ARFGEF1: variants seen among roughly 807,000 people sequenced by gnomAD.
ARFGEF1 encodes ARF guanine nucleotide exchange factor 1.
ARFGEF1 carries 42 observed loss-of-function variants against 231.0 expected under a neutral mutation model. The ratio of observed to expected loss-of-function variants is 0.18; its 90% confidence interval spans 0.14 to 0.24. The LOEUF (loss-of-function observed/expected upper bound fraction) is 0.24. ARFGEF1 is among the 10% of genes least tolerant of loss of function. ARFGEF1 has a pLI of 1.00. For missense variants in ARFGEF1, 1,345 were observed against 2,192.0 expected (o/e 0.61, Z 7.72); for synonymous variants, 710 against 732.3 (o/e 0.97, Z 0.49).
intron 1 of ARFGEF1, among the ~76,000 whole-genome samples, chr8:67,339,290 C>T (rs1808488581): frequency 6.6e-6 from 1 of 152,158 alleles, no homozygotes; most frequent in African/African-American, 2.4e-5. Flanking sequence ...CCTCCCTTCC[C>T]TTTAAAACCT....
chr8:67,256,563 G>C (rs1378933710), intron 17 of ARFGEF1, among the ~76,000 whole-genome samples: 1 of 152,064 alleles, frequency 6.6e-6, no homozygotes, highest in African/African-American at 2.4e-5. Flanking sequence ...TCTCAGATTA[G>C]AAAGTAGGTA....
chr8:67,175,073 T>TA (rs1178108770), downstream of ARFGEF1: 38 of 476,584 alleles, frequency 8.0e-5, 1 homozygote, highest in Middle Eastern at 2.9e-3. Context: ...GGGTATTCCT[T>TA]ATGTTGGTAA....
chr8:67,193,742 AC>A (rs1837081872), downstream of ARFGEF1: 8 of 609,366 alleles, frequency 1.3e-5, no homozygotes, highest in Non-Finnish European at 2.1e-5. Flanking sequence ...AGACATAGTA[AC>A]TATTGAGCAA....
rs979586369 is a variant in ARFGEF1 at position 67,257,835 on chromosome 8, C to T, written c.2442-19G>A. On this transcript the variant is annotated intron_variant, in intron 16 of 38. Transcript: ENST00000262215. The stretch of plus-strand genomic sequence containing the variant: ...AGTTTGTCTGGAAAAATAAATGTAT[C>T]ATGTTATAAACTTCTACTGTTTTAT... The T allele has an allele frequency of 1.3e-6, 2 of 1,578,464 alleles. No individual in the cohort carries two copies. Among genetic ancestry groups the T allele is most frequent in the South Asian group, 1.2e-5 (1 of 86,654 alleles).
intron 5 of ARFGEF1, among the ~76,000 whole-genome samples, chr8:67,292,986 T>C (rs1250729786): frequency 1.3e-5 from 2 of 152,156 alleles, no homozygotes; most frequent in Non-Finnish European, 2.9e-5. Flanking sequence ...TAAAGGATTT[T>C]AATAATAAAG....
At chr8:67,329,958 A>G (rs1808023304) in intron 1 of ARFGEF1, among the ~76,000 whole-genome samples, 1 of 152,080 alleles carries the variant, frequency 6.6e-6, no homozygotes, top group Admixed American at 6.5e-5. Context: ...TAAAAATAAA[A>G]AAAAACAAAG....
Position 67,288,950 on chromosome 8 carries a change from C to CA in ARFGEF1, c.917-886dup, listed in dbSNP as rs529055608. 3.3e-3 allele frequency among the ~76,000 whole-genome samples: 485 copies of CA among 145,018 alleles called. 2 individuals carry two copies. The highest frequency in any genetic ancestry group is 8.5e-3 in the African/African-American group (323 of 37,836). On this transcript the variant is annotated intron_variant, in intron 6 of 38. Coordinates refer to ENST00000262215, the MANE Select transcript of ARFGEF1 (RefSeq NM_006421.5). ...TCATTGTCCAATTTAATGTAAAAAA[C>CA]AAAAAAAACAAAAAAAAAACAAAAT...
At chr8:67,334,136 C>CAAAAAAA (rs368714166) in intron 1 of ARFGEF1, among the ~76,000 whole-genome samples, 5 of 43,696 alleles carry the variant, frequency 1.1e-4, no homozygotes, top group African/African-American at 2.3e-4. Flanking sequence ...AACTCCGTCT[C>CAAAAAAA]AAAAAAAAAA....
chr8:67,316,871 C>T (rs1173808445), intron 1 of ARFGEF1, among the ~76,000 whole-genome samples: 1 of 152,102 alleles, frequency 6.6e-6, no homozygotes, highest in Non-Finnish European at 1.5e-5. Context: ...CATGATGAAC[C>T]CCTTGGACAG....
chr8:67,237,947 T>C (rs1042272340), intron 22 of ARFGEF1, among the ~76,000 whole-genome samples: 4 of 152,182 alleles, frequency 2.6e-5, no homozygotes, highest in African/African-American at 9.6e-5. Context: ...TGGGGAGCCA[T>C]GGGGAGAGGT....
chr8:67,226,885 T>C (rs1336986027), intron 27 of ARFGEF1, among the ~76,000 whole-genome samples: 1 of 152,118 alleles, frequency 6.6e-6, no homozygotes, highest in East Asian at 1.9e-4. Context: ...AAAAAAGGGA[T>C]GGACAATAAT....
At chr8:67,288,969 A>C (rs1031713657) in intron 6 of ARFGEF1, among the ~76,000 whole-genome samples, 21 of 152,240 alleles carry the variant, frequency 1.4e-4, no homozygotes, top group South Asian at 6.2e-4. Flanking sequence ...CAAAAAAAAA[A>C]CAAAATCACC....
chr8:67,277,135 A>G (rs1198392410), intron 8 of ARFGEF1, 147 bp downstream of exon 8: 11 of 802,310 alleles, frequency 1.4e-5, no homozygotes, highest in Non-Finnish European at 1.5e-5. Flanking sequence ...TAAATGAAGG[A>G]AAAAAAACCC....
chr8:67,272,032 A>C (rs922450798), intron 9 of ARFGEF1, 96 bp from the exon 10 acceptor site: 2 of 732,172 alleles, frequency 2.7e-6, no homozygotes, highest in East Asian at 2.7e-5. Flanking sequence ...ACATAATCAT[A>C]ATTTCATAAA....
intron 1 of ARFGEF1, among the ~76,000 whole-genome samples, chr8:67,315,609 T>C (rs1807275466): frequency 6.6e-6 from 1 of 152,186 alleles, no homozygotes; most frequent in Non-Finnish European, 1.5e-5. Context: ...AAAGAATGGT[T>C]ACTCCACAGG....
chr8:67,201,416 C>T (rs780215091), intron 37 of ARFGEF1, 51 bp downstream of exon 37: 39 of 1,567,642 alleles, frequency 2.5e-5, no homozygotes, highest in South Asian at 1.2e-4. Context: ...CTTTCCTGCC[C>T]GGCACCACGT....
chr8:67,287,868 C>T, intron 7 of ARFGEF1, 87 bp downstream of exon 7: 1 of 896,754 alleles, frequency 1.1e-6, no homozygotes, highest in Non-Finnish European at 1.6e-6. Flanking sequence ...TTTAATTTTG[C>T]CCTTTCTATT....
downstream of ARFGEF1, chr8:67,193,656 T>G: frequency 6.6e-7 from 1 of 1,508,586 alleles, no homozygotes; most frequent in East Asian, 2.3e-5. Context: ...ACTTTTAAAC[T>G]TTCTTACTCA....
chr8:67,222,222 T>TATATATATATACACACAC (rs1839210993), intron 29 of ARFGEF1, among the ~76,000 whole-genome samples: 1 of 90,338 alleles, frequency 1.1e-5, no homozygotes, highest in Non-Finnish European at 2.1e-5. Flanking sequence ...CATATATATA[T>TATATATATATACACACAC]ATGTATATGT....
Sources: allele counts gnomAD v4.1 joint callset (sites outside exome capture counted in the v4.1 genomes callset), GRCh38; gene constraint gnomAD v4.1.1; transcripts MANE v1.5; gene names NCBI Gene and HGNC (gene_info 2026-07-23, HGNC 2026-07-21).